ABCC4: variants seen among roughly 807,000 people sequenced by gnomAD.
ABCC4 encodes ATP binding cassette subfamily C member 4 (PEL blood group), also known as ATP-binding cassette sub-family C member 4.
A neutral mutation model predicts 168.5 loss-of-function variants in ABCC4; 102 were observed. That is an observed-to-expected ratio of 0.61 (90% CI 0.52 to 0.71). The LOEUF (loss-of-function observed/expected upper bound fraction) is 0.71. ABCC4 is among the 30% of genes least tolerant of loss of function. The pLI, the probability that ABCC4 is intolerant of heterozygous loss-of-function variation, is 0.00. For missense variants in ABCC4, 1,402 were observed against 1,605.8 expected (o/e 0.87, Z 2.17); for synonymous variants, 617 against 590.7 (o/e 1.04, Z -0.65).
At chr13:95,198,346 CAT>C (rs575669806) in intron 8 of ABCC4, among the ~76,000 whole-genome samples, 310 of 152,232 alleles carry the variant, frequency 2.0e-3, no homozygotes, top group African/African-American at 7.3e-3. Context: ...AGCCAACAAA[CAT>C]ATGAAAAAAA....
chr13:95,033,598 G>A (rs2031985935), intron 30 of ABCC4, among the ~76,000 whole-genome samples: 1 of 151,844 alleles, frequency 6.6e-6, no homozygotes, highest in Non-Finnish European at 1.5e-5. Context: ...CATACTTCAA[G>A]GATTATTCAG....
At chr13:95,043,592 G>A in intron 29 of ABCC4, 90 bp downstream of exon 29, 1 of 1,103,946 alleles carries the variant, frequency 9.1e-7, no homozygotes, top group Non-Finnish European at 1.3e-6. Flanking sequence ...TAACTTACTA[G>A]GGGTTTCTAT....
At chr13:95,289,396 A>G (rs975336121) in intron 1 of ABCC4, among the ~76,000 whole-genome samples, 2 of 152,106 alleles carry the variant, frequency 1.3e-5, no homozygotes, top group African/African-American at 2.4e-5. Flanking sequence ...GTCAGACTTG[A>G]CTCAGTTCCC....
chr13:95,262,700 T>G (rs866319346), intron 1 of ABCC4, among the ~76,000 whole-genome samples: 2 of 151,378 alleles, frequency 1.3e-5, no homozygotes, highest in South Asian at 4.2e-4. Flanking sequence ...TGGTGCGATC[T>G]CGGCTCACCA....
In ABCC4 at chr13:95,043,479, G is replaced by A. The variant is rs1593995590; in HGVS notation, c.3735+203C>T. ...CTTTTAACATATGATTTTTGCATAT[G>A]ATTATATGCAAAGAGATACATTGGA... On this transcript the variant is annotated intron_variant, in intron 29 of 30. Transcript: ENST00000645237. 5 of 464,402 alleles carry A rather than the reference G, an allele frequency of 1.1e-5. No homozygotes were observed. The East Asian group carries it at 1.2e-4, about 11-fold the overall frequency. The allele number at this position is 464,402 out of a possible 1,614,324, so 28.8% of individuals were successfully genotyped here.
At chr13:95,025,276 C>T (rs1300917329) in intron 30 of ABCC4, among the ~76,000 whole-genome samples, 6 of 42,886 alleles carry the variant, frequency 1.4e-4, no homozygotes, top group Admixed American at 7.3e-4. Flanking sequence ...CACACCCCCA[C>T]ACACACCCCC....
chr13:95,143,110 C>A (rs2036374458), intron 19 of ABCC4, among the ~76,000 whole-genome samples: 1 of 152,182 alleles, frequency 6.6e-6, no homozygotes, highest in Non-Finnish European at 1.5e-5. Flanking sequence ...GGCTCACAAG[C>A]TCTGAGCCCA....
At chr13:95,149,400 A>G (rs1343364058) in intron 19 of ABCC4, among the ~76,000 whole-genome samples, 1 of 152,212 alleles carries the variant, frequency 6.6e-6, no homozygotes, top group Non-Finnish European at 1.5e-5. Context: ...TAGGGAGTAT[A>G]TAGAGAAGAT....
At chr13:95,110,989 A>G (rs891629881) in intron 20 of ABCC4, among the ~76,000 whole-genome samples, 58 of 151,674 alleles carry the variant, frequency 3.8e-4, no homozygotes, top group Middle Eastern at 3.4e-3. Context: ...AAGAAAGAAA[A>G]AAAAAAAAAA....
At chr13:95,189,451 C>A (rs2038187486) in intron 9 of ABCC4, among the ~76,000 whole-genome samples, 1 of 152,150 alleles carries the variant, frequency 6.6e-6, no homozygotes, top group Admixed American at 6.5e-5. Context: ...AGTATGGGAG[C>A]TTTTCAACCA....
Position 95,221,989 on chromosome 13 carries a change from C to A in ABCC4, c.532-11208G>T, listed in dbSNP as rs565998828. ...CAAATTAAATATACAGATTTCCAGG[C>A]CCTTTCTCTAGAAATTCTGAAACAG... On this transcript the variant is annotated intron_variant, in intron 4 of 30. Transcript: ENST00000645237. 5.9e-5 allele frequency among the ~76,000 whole-genome samples: 9 copies of A among 152,306 alleles called. No individual in the cohort carries two copies. In the South Asian group the frequency reaches 1.0e-3, roughly 18 times the overall value.
At chr13:95,141,839 G>T (rs1387294723) in intron 19 of ABCC4, among the ~76,000 whole-genome samples, 1 of 152,182 alleles carries the variant, frequency 6.6e-6, no homozygotes, top group Non-Finnish European at 1.5e-5. Context: ...GGGCTCAAGG[G>T]ATCATCCTGA....
intron 19 of ABCC4, among the ~76,000 whole-genome samples, chr13:95,123,103 G>A (rs1391846025): frequency 1.3e-5 from 2 of 152,152 alleles, no homozygotes; most frequent in Non-Finnish European, 2.9e-5. Context: ...TGCTAGGTGA[G>A]ACTGTCTACA....
intron 19 of ABCC4, among the ~76,000 whole-genome samples, chr13:95,123,686 T>G (rs372573370): frequency 7.2e-5 from 11 of 152,260 alleles, no homozygotes; most frequent in South Asian, 4.2e-4. Flanking sequence ...ATGATCACAC[T>G]GGTAGCAGGT....
chr13:95,099,577 T>C (rs1833265187), intron 20 of ABCC4, among the ~76,000 whole-genome samples: 1 of 152,150 alleles, frequency 6.6e-6, no homozygotes, highest in Middle Eastern at 3.2e-3. Context: ...GGTTGGGCAG[T>C]GTATCAATAC....
At chr13:95,257,455 G>C (rs2040420113) in intron 1 of ABCC4, among the ~76,000 whole-genome samples, 1 of 152,064 alleles carries the variant, frequency 6.6e-6, no homozygotes, top group African/African-American at 2.4e-5. Flanking sequence ...ATCACTTGGG[G>C]TCAGGAGTTC....
At chr13:95,144,468 C>T (rs996307140) in intron 19 of ABCC4, among the ~76,000 whole-genome samples, 30 of 152,224 alleles carry the variant, frequency 2.0e-4, no homozygotes, top group South Asian at 2.1e-4. Flanking sequence ...TACCTCTCTT[C>T]GTAGACGACA....
chr13:95,292,545 G>A (rs2041428743), intron 1 of ABCC4, among the ~76,000 whole-genome samples: 1 of 152,166 alleles, frequency 6.6e-6, no homozygotes, highest in African/African-American at 2.4e-5. Context: ...ATTAAATTCT[G>A]TAATGCTTTT....
At chr13:95,157,311 AC>A (rs1206009713) in intron 19 of ABCC4, among the ~76,000 whole-genome samples, 2 of 148,856 alleles carry the variant, frequency 1.3e-5, no homozygotes, top group Non-Finnish European at 3.0e-5. Context: ...AGGAGGTAAA[AC>A]CCTGTCTCTA....
Sources: allele counts gnomAD v4.1 joint callset (sites outside exome capture counted in the v4.1 genomes callset), GRCh38; gene constraint gnomAD v4.1.1; transcripts MANE v1.5; gene names NCBI Gene and HGNC (gene_info 2026-07-23, HGNC 2026-07-21).